Variants in RGPD3 observed in about 807,000 individuals in gnomAD.
The protein encoded by RGPD3 is ranBP2-like and GRIP domain-containing protein 3.
A neutral mutation model predicts 154.5 loss-of-function variants in RGPD3; 62 were observed. The observed-to-expected ratio is 0.40, with a 90% CI of 0.33 to 0.50. RGPD3 has a LOEUF of 0.50. RGPD3 is among the 20% of genes least tolerant of loss of function. RGPD3 has a pLI of 0.59. For synonymous variants in RGPD3, 308 were observed against 607.0 expected (o/e 0.51, Z 7.24); for missense variants, 919 against 1,716.8 (o/e 0.54, Z 8.21).
rs1676429085 is a variant in RGPD3, at chr2:106,403,736, T to C, written c.*1483A>G. On this transcript the variant is annotated 3_prime_UTR_variant, in exon 23 of 23. Transcript: ENST00000409886. Reference sequence around the variant, plus strand: ...GCATTTTCATTCATACATTCGCTAGTTAGGTCTGTTCTTCTAAGGAGGAAA... The same window carrying C: ...GCATTTTCATTCATACATTCGCTAGCTAGGTCTGTTCTTCTAAGGAGGAAA... Among the ~76,000 whole-genome samples, 1 of 152,274 alleles carries C rather than the reference T, an allele frequency of 6.6e-6. No homozygotes were observed. The highest frequency in any genetic ancestry group is 1.5e-5 in the Non-Finnish European group (1 of 68,052).
chr2:106,451,105 A>C (rs1194501012), intron 6 of RGPD3, among the ~76,000 whole-genome samples: 230 of 125,736 alleles, frequency 1.8e-3, no homozygotes, highest in African/African-American at 6.7e-3. Context: ...AAAAAACAAA[A>C]AAGAAAGAAA....
At chr2:106,448,931 T>C (rs900981614) in intron 6 of RGPD3, among the ~76,000 whole-genome samples, 1 of 150,994 alleles carries the variant, frequency 6.6e-6, no homozygotes, top group African/African-American at 2.4e-5. Context: ...GACTTCGTGA[T>C]CCACCCGCCT....
rs761955204 is a variant in RGPD3 at position 106,423,865 on chromosome 2, C to T, written c.4102G>A (p.Asp1368Asn). The change falls in exon 20 of 23, where the codon GAT (aspartate) becomes AAT (asparagine). Residue 1368 changes from aspartate (D) to asparagine (N), a missense_variant. By Grantham distance (23) the Asp-to-Asn change is conservative (BLOSUM62 1). Coordinates refer to ENST00000409886, the MANE Select transcript of RGPD3 (RefSeq NM_001144013.2). ...FSHRAEFYRY[D>N]KDVGQWKERG... Reference sequence around the variant, plus strand: ...TCTTTCCATTGACCAACATCTTTATCATATCTGTAGAATTCTGCCCTGTGA... The same window carrying T: ...TCTTTCCATTGACCAACATCTTTATTATATCTGTAGAATTCTGCCCTGTGA... 2 of 1,611,940 alleles carry T rather than the reference C, an allele frequency of 1.2e-6. No homozygotes were observed. The highest frequency in any genetic ancestry group is 1.7e-6 in the Non-Finnish European group (2 of 1,179,856).
rs1231793895 is a variant in RGPD3, at chr2:106,423,764, T to C, written c.4203A>G (p.Gln1401=). The change falls in exon 20 of 23, where the codon CAA becomes CAG. Residue 1401 remains glutamine (Q), a synonymous_variant. Coordinates refer to ENST00000409886, the MANE Select transcript of RGPD3 (RefSeq NM_001144013.2). ...KHVRILMRRD[Q]VLKLCANHRI... ...TGTGATTGGCACAAAGTTTTAATACTTGGTCCCTTCTCATCAGTATACGAA... is the reference window on the plus strand; with the variant it reads ...TGTGATTGGCACAAAGTTTTAATACCTGGTCCCTTCTCATCAGTATACGAA... 1 of 1,611,982 alleles carries C rather than the reference T, an allele frequency of 6.2e-7. No homozygotes were observed. The highest frequency in any genetic ancestry group is 1.1e-5 in the South Asian group (1 of 90,980).
At position 106,425,183 on chromosome 2, in the gene RGPD3, C is replaced by A. The variant is rs756932473; in HGVS notation, c.2784G>T (p.Ser928=). The stretch of plus-strand genomic sequence containing the variant: ...TTTTCTTTTCTTGATTTCCTGGTTC[C>A]GAAATGCCAAATTTAAATCCATCAG... ...VSADGFKFGI[S]EPGNQEKKSE... The change falls in exon 20 of 23, where the codon TCG becomes TCT. Residue 928 remains serine, a synonymous_variant. Coordinates refer to ENST00000409886, the MANE Select transcript of RGPD3 (RefSeq NM_001144013.2). 6.2e-7 allele frequency: 1 copy of A among 1,611,484 alleles called. No homozygotes were observed. The highest frequency in any genetic ancestry group is 8.5e-7 in the Non-Finnish European group (1 of 1,179,780).
Position 106,423,975 on chromosome 2 carries a change from T to C in RGPD3, c.3992A>G (p.Asp1331Gly), listed in dbSNP as rs1248796140. The C allele has an allele frequency of 6.2e-7, 1 of 1,611,680 alleles. No homozygotes were observed. Among genetic ancestry groups the C allele is most frequent in the Non-Finnish European group, 8.5e-7 (1 of 1,179,828 alleles). The change falls in exon 20 of 23, where the codon GAT (aspartate) becomes GGT (glycine). Residue 1331 changes from aspartate to glycine, a missense_variant. By Grantham distance (94) the Asp-to-Gly change is moderately conservative. Coordinates refer to ENST00000409886, the MANE Select transcript of RGPD3 (RefSeq NM_001144013.2). ...AACAACAGGTTCAAAGTACTGTCCA[T>C]CTCTCTCTTCTTCTTGAGTAACATC... ...ESDVTQEEER[D>G]GQYFEPVVPL...
intron 6 of RGPD3, among the ~76,000 whole-genome samples, chr2:106,449,684 A>G (rs1678050823): frequency 6.6e-6 from 1 of 151,862 alleles, no homozygotes; most frequent in Non-Finnish European, 1.5e-5. Flanking sequence ...GAGACCTTCC[A>G]GTACTTTGGG....
At position 106,434,208 on chromosome 2, in the gene RGPD3, T is replaced by C. The variant is rs1425647747; in HGVS notation, c.2205+20A>G. On this transcript the variant is annotated intron_variant, in intron 15 of 22. Transcript: ENST00000409886. ...AGTGGGTTATCAGTAAGAACGTACA[T>C]ACAACAACCTGCTACTTACTTTCTT... 7 of 1,587,604 alleles carry C rather than the reference T, an allele frequency of 4.4e-6. No homozygotes were observed. The South Asian group carries it at 5.5e-5, about 13-fold the overall frequency.
rs779783763 is a variant in RGPD3, at chr2:106,441,308, G to A, written c.1051C>T (p.Arg351Ter). The A allele has an allele frequency of 8.1e-5, 126 of 1,553,150 alleles. No individual in the cohort carries two copies. Among genetic ancestry groups the A allele is most frequent in the Middle Eastern group, 2.3e-4 (1 of 4,260 alleles). ...TTACTATTACCTGATTGGCTCAGTCGGTCACAGGCCATCATTTCCAGCAGA... is the reference window on the plus strand; with the variant it reads ...TTACTATTACCTGATTGGCTCAGTCAGTCACAGGCCATCATTTCCAGCAGA... ...QNLLEMMACD[R>*]LSQSGHMLLN... Residue 351 changes from arginine (R) to a stop codon, truncating the protein, a stop_gained, in exon 8 of 23, where the codon CGA becomes TGA. Coordinates refer to ENST00000409886, the MANE Select transcript of RGPD3 (RefSeq NM_001144013.2). LOFTEE classifies it high-confidence loss of function.
intron 1 of RGPD3, among the ~76,000 whole-genome samples, chr2:106,465,057 A>C (rs1037314777): frequency 2.6e-5 from 4 of 151,668 alleles, no homozygotes; most frequent in Admixed American, 6.6e-5. Context: ...ATGAAAGCAC[A>C]ATGGAAGACT....
intron 1 of RGPD3, among the ~76,000 whole-genome samples, chr2:106,463,544 A>G (rs1678469116): frequency 6.6e-6 from 1 of 151,970 alleles, no homozygotes; most frequent in African/African-American, 2.4e-5. Flanking sequence ...GCTACACCAA[A>G]ACAAAGAAAG....
intron 1 of RGPD3, among the ~76,000 whole-genome samples, chr2:106,460,409 T>C (rs1215579233): frequency 6.6e-6 from 1 of 150,796 alleles, no homozygotes; most frequent in Non-Finnish European, 1.5e-5. Flanking sequence ...GCCTCAATAG[T>C]ACATGTACTG....
chr2:106,409,602 TTTACTC>T (rs1192866600), intron 22 of RGPD3, among the ~76,000 whole-genome samples: 13 of 152,070 alleles, frequency 8.5e-5, no homozygotes, highest in African/African-American at 3.1e-4. Context: ...TAGGGGCAGT[TTTACTC>T]TTATGTGACT....
chr2:106,445,026 G>A (rs1235387820), intron 7 of RGPD3, among the ~76,000 whole-genome samples: 95 of 135,868 alleles, frequency 7.0e-4, no homozygotes, highest in South Asian at 3.1e-3. Flanking sequence ...GCAGGGCGCG[G>A]TGGCTCACGC....
chr2:106,439,008 T>C lies in RGPD3; in HGVS notation c.1236A>G (p.Val412=). 1 of 284,712 alleles carries C rather than the reference T, an allele frequency of 3.5e-6. No homozygotes were observed. Among genetic ancestry groups the C allele is most frequent in the Non-Finnish European group, 6.0e-6 (1 of 165,768 alleles). The allele number at this position is 284,712 out of a possible 1,614,324, so 17.6% of individuals were successfully genotyped here. Residue 412 remains valine (V), a synonymous_variant, in exon 9 of 23, where the codon GTA becomes GTG. Coordinates refer to ENST00000409886, the MANE Select transcript of RGPD3 (RefSeq NM_001144013.2). The part of the protein sequence containing the change: ...LGSDDIGNID[V]QEPELEDLAR... ...CCAAATCTTCAAGCTCTGGTTCTTGTACATCAATGTTTCCAATATCATCGC... is the reference window on the plus strand; with the variant it reads ...CCAAATCTTCAAGCTCTGGTTCTTGCACATCAATGTTTCCAATATCATCGC...
At chr2:106,468,036 T>G (rs1309775637) in intron 1 of RGPD3, among the ~76,000 whole-genome samples, 181 bp downstream of exon 1, 1 of 142,464 alleles carries the variant, frequency 7.0e-6, no homozygotes, top group East Asian at 2.1e-4. Flanking sequence ...TCGGGAGCCA[T>G]GACGCCTGAG....
At position 106,403,960 on chromosome 2, in the gene RGPD3, T is replaced by C. The variant is rs1326432692; in HGVS notation, c.*1259A>G. Among the ~76,000 whole-genome samples, 1 of 152,254 alleles carries C rather than the reference T, an allele frequency of 6.6e-6. No individual in the cohort carries two copies. Among genetic ancestry groups the C allele is most frequent in the Non-Finnish European group, 1.5e-5 (1 of 68,050 alleles). On this transcript the variant is annotated 3_prime_UTR_variant, in exon 23 of 23. Transcript: ENST00000409886. ...TACTATGTGATTAATACATAAATAT[T>C]AAAAATTATCCAATTTTTGATTTAA...
upstream of RGPD3, among the ~76,000 whole-genome samples, chr2:106,468,813 A>C (rs1367332616): frequency 3.4e-5 from 5 of 147,056 alleles, no homozygotes; most frequent in Non-Finnish European, 7.5e-5. Flanking sequence ...CTCAAAAAAA[A>C]AAAAAAAAAA....
chr2:106,446,869 A>G (rs1271612412), intron 7 of RGPD3, among the ~76,000 whole-genome samples: 1 of 151,722 alleles, frequency 6.6e-6, no homozygotes, highest in Non-Finnish European at 1.5e-5. Context: ...CGACAGAGAG[A>G]GACTTGGTCT....
Sources: gnomAD v4.1 joint callset for allele counts (sites outside exome capture counted in the v4.1 genomes callset) on GRCh38, gnomAD v4.1.1 for gene constraint, MANE v1.5 for transcripts, NCBI Gene and HGNC (gene_info 2026-07-23, HGNC 2026-07-21) for gene names.